Variants in PRDM5 observed in about 807,000 individuals in gnomAD.
PRDM5 encodes the protein PR/SET domain 5.
A neutral mutation model predicts 81.2 loss-of-function variants in PRDM5; 56 were observed. The observed-to-expected ratio is 0.69, with a 90% CI of 0.56 to 0.86. The LOEUF is 0.86. Among genes scored for constraint, PRDM5 ranks in the 40% least tolerant of loss-of-function variants. The pLI is 0.00. For missense variants in PRDM5, 697 were observed against 770.1 expected, an observed-to-expected ratio of 0.91 and a Z score of 1.12; for synonymous variants, 267 against 256.4, an observed-to-expected ratio of 1.04 and a Z score of -0.39.
At chr4:120,706,382 G>A (rs1265326333) in intron 15 of PRDM5, among the ~76,000 whole-genome samples, 1 of 152,136 alleles carries the variant, frequency 6.6e-6, no homozygotes, top group Non-Finnish European at 1.5e-5. Flanking sequence ...TGACTTAGGG[G>A]AAAAGAGGTG....
chr4:120,795,416 AT>A (rs1364084290), intron 10 of PRDM5, among the ~76,000 whole-genome samples: 1 of 152,178 alleles, frequency 6.6e-6, no homozygotes, highest in Non-Finnish European at 1.5e-5. Flanking sequence ...TTCAATTGTG[AT>A]TTAAAGAATC....
intron 14 of PRDM5, among the ~76,000 whole-genome samples, chr4:120,735,494 G>A (rs1031979727): frequency 1.3e-5 from 2 of 152,066 alleles, no homozygotes; most frequent in Non-Finnish European, 2.9e-5. Context: ...GGCACTTACA[G>A]GACACTGGCC....
intron 8 of PRDM5, among the ~76,000 whole-genome samples, chr4:120,811,056 T>A (rs1239452882): frequency 6.6e-6 from 1 of 152,136 alleles, no homozygotes; most frequent in Non-Finnish European, 1.5e-5. Flanking sequence ...AAATATCTCA[T>A]GCTCATAGCT....
chr4:120,909,166 A>C lies in PRDM5; in HGVS notation c.94-1609T>G, dbSNP rs75392997. Among the ~76,000 whole-genome samples the C allele has an allele frequency of 6.2e-3, 939 of 152,310 alleles. 15 individuals are homozygous for C. Among genetic ancestry groups the C allele is most frequent in the African/African-American group, 0.022 (899 of 41,580 alleles). ...AGGTCAATCAGGTGGCGATGATTAG[A>C]CATAGTATCAGGAACCAGTGGTTTA... On this transcript the variant is annotated intron_variant, in intron 1 of 15. Coordinates refer to ENST00000264808, the MANE Select transcript of PRDM5 (RefSeq NM_018699.4).
intron 2 of PRDM5, among the ~76,000 whole-genome samples, chr4:120,868,827 A>G (rs1761480250): frequency 6.6e-6 from 1 of 152,096 alleles, no homozygotes; most frequent in Non-Finnish European, 1.5e-5. Context: ...ACTCTCTTTG[A>G]CCTAAAAATG....
At chr4:120,865,250 T>G (rs1053221334) in intron 2 of PRDM5, among the ~76,000 whole-genome samples, 10 of 152,202 alleles carry the variant, frequency 6.6e-5, no homozygotes, top group Admixed American at 6.5e-5. Flanking sequence ...CTTAATGGTC[T>G]GTCTGGGTTC....
In PRDM5 at chr4:120,741,897, C is replaced by A. The variant is rs1277099914; in HGVS notation, c.1623+12656G>T. On this transcript the variant is annotated intron_variant, in intron 14 of 15. Transcript: ENST00000264808. The stretch of plus-strand genomic sequence containing the variant: ...GGCTTGCTTAGGTAAACAAAGCAGC[C>A]AGCCAGCTCAAACTGGGTGGAGCCC... 1.9e-4 allele frequency among the ~76,000 whole-genome samples: 29 copies of A among 152,298 alleles called. No individual in the cohort carries two copies. In the East Asian group the frequency reaches 3.3e-3, roughly 17 times the overall value.
chr4:120,829,309 A>G (rs1375158864), intron 3 of PRDM5, among the ~76,000 whole-genome samples: 2 of 152,064 alleles, frequency 1.3e-5, no homozygotes, highest in Non-Finnish European at 2.9e-5. Context: ...TTCTGCTTCT[A>G]TCACTACACA....
downstream of PRDM5, among the ~76,000 whole-genome samples, chr4:120,689,410 CTT>C (rs554118986): frequency 6.7e-6 from 1 of 149,018 alleles, no homozygotes; most frequent in Admixed American, 6.7e-5. Flanking sequence ...GCTTTATATT[CTT>C]TTTTTTTTCT....
chr4:120,777,047 GTACAATGCTT>G, intron 13 of PRDM5, 131 bp downstream of exon 13: 1 of 1,499,296 alleles, frequency 6.7e-7, no homozygotes, highest in Non-Finnish European at 8.9e-7. Context: ...AAACTGGGTT[GTACAATGCTT>G]TAAGAGAGAG....
Position 120,707,019 on chromosome 4 carries a change from G to A in PRDM5, c.1728+3290C>T, listed in dbSNP as rs185435255. 2.9e-3 allele frequency among the ~76,000 whole-genome samples: 445 copies of A among 151,958 alleles called. 1 individual carries two copies. The highest frequency in any genetic ancestry group is 0.01 in the African/African-American group (416 of 41,494). On this transcript the variant is annotated intron_variant, in intron 15 of 15. Transcript: ENST00000264808. ...AGAAGAATTAATACCAATTCTGTAC[G>A]TCTTTCAAAAAGACAGAAGAGGAGG...
rs908817699 is a variant in PRDM5, at chr4:120,871,459, C to T, written c.178-17919G>A. Among the ~76,000 whole-genome samples, 5 of 152,242 alleles carry T rather than the reference C, an allele frequency of 3.3e-5. No homozygotes were observed. The South Asian group carries it at 1.0e-3, about 32-fold the overall frequency. On this transcript the variant is annotated intron_variant, in intron 2 of 15. Transcript: ENST00000264808. ...CACGACCCTCCTGATATGGTCTGAC[C>T]AGTACACAGTACCAAAGCACTATTC...
At chr4:120,717,665 T>C (rs941766882) in intron 14 of PRDM5, among the ~76,000 whole-genome samples, 14 of 152,188 alleles carry the variant, frequency 9.2e-5, no homozygotes, top group Admixed American at 1.3e-4. Context: ...ACTAAAAGAT[T>C]AGAGGTATGA....
At chr4:120,839,414 C>G in intron 3 of PRDM5, 1 of 644,650 alleles carries the variant, frequency 1.6e-6, no homozygotes, top group Non-Finnish European at 2.8e-6. Context: ...AGCATTCAGG[C>G]TGCTAGCAGA....
At chr4:120,700,422 C>T (rs906332917) in intron 15 of PRDM5, among the ~76,000 whole-genome samples, 2 of 152,100 alleles carry the variant, frequency 1.3e-5, no homozygotes, top group African/African-American at 4.8e-5. Context: ...ACTAAATTCT[C>T]AAAAGCAGTT....
intron 2 of PRDM5, among the ~76,000 whole-genome samples, chr4:120,898,211 T>C (rs755120561): frequency 1.1e-4 from 17 of 152,180 alleles, no homozygotes; most frequent in Non-Finnish European, 2.2e-4. Context: ...CACAGCCCTA[T>C]GGTGCTTCCA....
chr4:120,857,149 A>C (rs988923332), intron 2 of PRDM5, among the ~76,000 whole-genome samples: 5 of 152,204 alleles, frequency 3.3e-5, no homozygotes, highest in African/African-American at 1.2e-4. Flanking sequence ...TGAGGGTAGG[A>C]GTTTGAGACC....
intron 13 of PRDM5, among the ~76,000 whole-genome samples, chr4:120,755,111 T>C (rs1227003930): frequency 6.6e-6 from 1 of 152,202 alleles, no homozygotes; most frequent in African/African-American, 2.4e-5. Flanking sequence ...TCAAAAGAAT[T>C]TCATAAAATT....
chr4:120,916,256 G>GGGCA (rs970799452), intron 1 of PRDM5, among the ~76,000 whole-genome samples: 9 of 151,956 alleles, frequency 5.9e-5, no homozygotes, highest in African/African-American at 1.7e-4. Flanking sequence ...GTGTGGTGGT[G>GGGCA]GGCACCTATA....
Sources: gnomAD v4.1 joint callset for allele counts (sites outside exome capture counted in the v4.1 genomes callset) on GRCh38, gnomAD v4.1.1 for gene constraint, MANE v1.5 for transcripts, NCBI Gene and HGNC (gene_info 2026-07-23, HGNC 2026-07-21) for gene names.